The following NPLOC4 variants were observed in gnomAD, a reference collection of about 807,000 sequenced individuals.
NPLOC4 encodes nuclear protein localization protein 4 homolog.
Under a neutral mutation model 80.6 loss-of-function variants are expected in NPLOC4, and 18 were observed. The ratio of observed to expected loss-of-function variants is 0.22; its 90% CI spans 0.15 to 0.33. The LOEUF (loss-of-function observed/expected upper bound fraction) is 0.33, where lower values mean the gene tolerates loss of function less well. Among genes scored for constraint, NPLOC4 ranks in the 10% least tolerant of loss-of-function variants. The pLI is 1.00. For synonymous variants in NPLOC4, 313 were observed against 301.5 expected, an observed-to-expected ratio of 1.04 and a Z score of -0.39; for missense variants, 540 against 786.1, an observed-to-expected ratio of 0.69 and a Z score of 3.74.
chr17:81,632,269 C>G (rs2035952169), intron 1 of NPLOC4, among the ~76,000 whole-genome samples: 1 of 152,072 alleles, frequency 6.6e-6, no homozygotes, highest in African/African-American at 2.4e-5. Context: ...GCCACCAACC[C>G]TGGCCTAGCT....
intron 3 of NPLOC4, among the ~76,000 whole-genome samples, chr17:81,620,389 A>G (rs1360155275): frequency 6.6e-6 from 1 of 152,078 alleles, no homozygotes; most frequent in Non-Finnish European, 1.5e-5. Context: ...CCAGCTACTC[A>G]GGAGGCTGAG....
At chr17:81,568,121 A>T (rs1161136473) in intron 14 of NPLOC4, 1 of 150,038 alleles carries the variant, frequency 6.7e-6, no homozygotes, top group Non-Finnish European at 1.5e-5. Flanking sequence ...ACTCAGACAG[A>T]GACACAAACA....
intron 13 of NPLOC4, among the ~76,000 whole-genome samples, chr17:81,570,038 T>C (rs927841086): frequency 6.6e-6 from 1 of 152,162 alleles, no homozygotes; most frequent in Non-Finnish European, 1.5e-5. Flanking sequence ...ATGAGTGTGG[T>C]TCTGGTCTGT....
In NPLOC4 at chr17:81,559,393, C is replaced by G. The variant is rs755643109; in HGVS notation, c.1693G>C (p.Gly565Arg). The G allele has an allele frequency of 6.2e-7, 1 of 1,610,472 alleles. No homozygotes were observed. Among genetic ancestry groups the G allele is most frequent in the Non-Finnish European group, 8.5e-7 (1 of 1,178,676 alleles). Reference protein sequence around the residue: ...LCSTVGGQLPGLHEYGAVGGS... With the variant: ...LCSTVGGQLPRLHEYGAVGGS... ...CCGACGGCGCCGTACTCATGGAGACCTGGGAGCTGCCCGCCAACTGTGCCT... is the reference window on the plus strand; with the variant it reads ...CCGACGGCGCCGTACTCATGGAGACGTGGGAGCTGCCCGCCAACTGTGCCT... The change falls in exon 17 of 17, where the codon GGT (glycine) becomes CGT (arginine). Residue 565 changes from glycine to arginine, a missense_variant. By Grantham distance (125) the Gly-to-Arg change is moderately radical (BLOSUM62 -2). Coordinates refer to ENST00000331134, the MANE Select transcript of NPLOC4 (RefSeq NM_017921.4).
chr17:81,625,783 T>C (rs1021619738), intron 2 of NPLOC4, among the ~76,000 whole-genome samples: 7 of 151,018 alleles, frequency 4.6e-5, no homozygotes, highest in Non-Finnish European at 1.0e-4. Flanking sequence ...CTATATAATC[T>C]GAAGGCAGAG....
chr17:81,586,771 C>T (rs1352776465), intron 12 of NPLOC4, among the ~76,000 whole-genome samples: 1 of 152,232 alleles, frequency 6.6e-6, no homozygotes, highest in African/African-American at 2.4e-5. Context: ...TGTCACCTCA[C>T]AAAGAGCTCT....
intron 16 of NPLOC4, among the ~76,000 whole-genome samples, chr17:81,560,109 T>C (rs1000502682): frequency 6.6e-6 from 1 of 152,028 alleles, no homozygotes; most frequent in Non-Finnish European, 1.5e-5. Context: ...TGTGTTTTTA[T>C]TTCTCTTGGA....
chr17:81,617,629 G>A (rs1372911181), intron 3 of NPLOC4, among the ~76,000 whole-genome samples: 1 of 151,830 alleles, frequency 6.6e-6, no homozygotes, highest in Non-Finnish European at 1.5e-5. Flanking sequence ...CTAACACGGT[G>A]AGATCCCGTC....
At chr17:81,576,903 T>G (rs8079542) in intron 12 of NPLOC4, among the ~76,000 whole-genome samples, 21,785 of 152,202 alleles carry the variant, frequency 0.14, 1,856 homozygotes, top group Admixed American at 0.23. Context: ...GTGTCCACCC[T>G]GCCACATTCC....
rs531766341 is a variant in NPLOC4, at chr17:81,592,551, A to G, written c.1121-3447T>C. On this transcript the variant is annotated intron_variant, in intron 11 of 16. Coordinates refer to ENST00000331134, the MANE Select transcript of NPLOC4 (RefSeq NM_017921.4). ...TAAATACCAATTCCAGAGGTGAAAAAAGCCCAAGGATGATCTATATAATCT... is the reference window on the plus strand; with the variant it reads ...TAAATACCAATTCCAGAGGTGAAAAGAGCCCAAGGATGATCTATATAATCT... Among the ~76,000 whole-genome samples, 13 of 152,280 alleles carry G rather than the reference A, an allele frequency of 8.5e-5. 2 individuals are homozygous for G. The South Asian group carries it at 2.7e-3, about 32-fold the overall frequency.
At position 81,613,403 on chromosome 17, in the gene NPLOC4, C is replaced by T. The variant is rs954917338; in HGVS notation, c.301G>A (p.Gly101Ser). The T allele has an allele frequency of 1.4e-5, 23 of 1,613,960 alleles. No individual in the cohort carries two copies. Among genetic ancestry groups the T allele is most frequent in the Non-Finnish European group, 1.8e-5 (21 of 1,179,904 alleles). The change falls in exon 4 of 17, where the codon GGC (glycine) becomes AGC (serine). Residue 101 changes from glycine (G) to serine (S), a missense_variant. Around this residue, in one of 6 missense-constraint regions of NPLOC4, gnomAD observed 74 missense variants for 75.7 expected, o/e 0.98. Coordinates refer to ENST00000331134, the MANE Select transcript of NPLOC4 (RefSeq NM_017921.4). ...TSVPPGFKVF[G>S]APNVVEDEID... ...TCATCCTCCACCACGTTGGGAGCGC[C>T]AAAGACTTTGAAGCCCGGTGGAACT...
In NPLOC4 at chr17:81,596,318, A is replaced by C; in HGVS notation, c.994-76T>G. 4.0e-6 allele frequency: 6 copies of C among 1,511,636 alleles called. No individual in the cohort carries two copies. The South Asian group carries it at 7.4e-5, about 19-fold the overall frequency. 93.6% of individuals were successfully genotyped at this position (1,511,636 alleles called of 1,614,324 possible). A position where few individuals can be genotyped will look rare whatever the true frequency, so the allele number is the denominator to read the frequency against. Reference sequence around the variant, plus strand: ...TACTTCTATTTCTTCTTTAAAAAATAAGAACTAAGCCAGGAGCAGTGACTC... The same window carrying C: ...TACTTCTATTTCTTCTTTAAAAAATCAGAACTAAGCCAGGAGCAGTGACTC... On this transcript the variant is annotated intron_variant, in intron 10 of 16. Coordinates refer to ENST00000331134, the MANE Select transcript of NPLOC4 (RefSeq NM_017921.4).
intron 11 of NPLOC4, among the ~76,000 whole-genome samples, chr17:81,592,829 C>G (rs2034785905): frequency 6.6e-6 from 1 of 152,062 alleles, no homozygotes; most frequent in African/African-American, 2.4e-5. Context: ...ACAAAAAATA[C>G]AAAAATTGGC....
In NPLOC4 at chr17:81,588,949, A is replaced by G; in HGVS notation, c.1276T>C (p.Tyr426His). 1 of 1,611,732 alleles carries G rather than the reference A, an allele frequency of 6.2e-7. No homozygotes were observed. Among genetic ancestry groups the G allele is most frequent in the Non-Finnish European group, 8.5e-7 (1 of 1,178,990 alleles). ...TTTTCTTACCATACTTTTACCTTAT[A>G]AAACACATCAGGCACGTACTGCTCA... The part of the protein sequence containing the change: ...SSEQYVPDVF[Y>H]KDVDKFGNEI... Residue 426 changes from tyrosine to histidine, a missense_variant, in exon 12 of 17, where the codon TAT becomes CAT. Coordinates refer to ENST00000331134, the MANE Select transcript of NPLOC4 (RefSeq NM_017921.4).
At position 81,629,610 on chromosome 17, in the gene NPLOC4, G is replaced by A. The variant is rs192849117; in HGVS notation, c.96+115C>T. 1.1e-5 allele frequency: 9 copies of A among 783,456 alleles called. No individual in the cohort carries two copies. The African/African-American group carries it at 1.4e-4, about 12-fold the overall frequency. The allele number at this position is 783,456 out of a possible 1,614,324, so 48.5% of individuals were successfully genotyped here. Reference sequence around the variant, plus strand: ...ACTGTGATAGAGAAAGGCAATGCAAGAGGCAATTTGGGAATAGGGAAAATA... The same window carrying A: ...ACTGTGATAGAGAAAGGCAATGCAAAAGGCAATTTGGGAATAGGGAAAATA... On this transcript the variant is annotated intron_variant, in intron 2 of 16. Transcript: ENST00000331134.
intron 16 of NPLOC4, chr17:81,561,654 C>T (rs1598611884): frequency 6.6e-6 from 1 of 152,302 alleles, no homozygotes; most frequent in South Asian, 2.1e-4. Flanking sequence ...ATAATCATGG[C>T]TCACTGTGAC....
At chr17:81,606,861 A>G (rs757958592) in intron 6 of NPLOC4, 47 bp from the exon 7 acceptor site, 3 of 1,575,130 alleles carry the variant, frequency 1.9e-6, no homozygotes, top group South Asian at 1.1e-5. Flanking sequence ...TGAAAAGTTG[A>G]GCAAGAGGCT....
At chr17:81,608,062 C>G (rs1488396293) in intron 6 of NPLOC4, among the ~76,000 whole-genome samples, 1 of 152,212 alleles carries the variant, frequency 6.6e-6, no homozygotes, top group Non-Finnish European at 1.5e-5. Flanking sequence ...GCTCAGTTCA[C>G]CCCTTTCTGG....
chr17:81,597,726 T>C (rs1338508587), intron 9 of NPLOC4, among the ~76,000 whole-genome samples: 1 of 145,752 alleles, frequency 6.9e-6, no homozygotes, highest in Non-Finnish European at 1.5e-5. Context: ...GAGGTTGCAG[T>C]GTGCCAGGAT....
Sources: allele counts gnomAD v4.1 joint callset (sites outside exome capture counted in the v4.1 genomes callset), GRCh38; gene constraint gnomAD v4.1.1; regional missense constraint gnomAD v4.1.1; transcripts MANE v1.5; gene names NCBI Gene and HGNC (gene_info 2026-07-23, HGNC 2026-07-21).